ANO5: variants seen among roughly 807,000 people sequenced by gnomAD.
The protein encoded by ANO5 is anoctamin-5.
In ANO5, 109 loss-of-function variants were observed where a neutral mutation model predicts 121.0. The ratio of observed to expected loss-of-function variants is 0.90; its 90% CI spans 0.77 to 1.06. The LOEUF is 1.06. Ranked by LOEUF, ANO5 falls within the 50% of genes least tolerant of loss-of-function variation. The pLI is 0.00. For missense variants in ANO5, 1,064 were observed against 1,078.5 expected (o/e 0.99, Z 0.19); for synonymous variants, 406 against 359.9 (o/e 1.13, Z -1.45).
intron 17 of ANO5, among the ~76,000 whole-genome samples, chr11:22,269,117 TAAAGA>T (rs1208248089): frequency 7.8e-6 from 1 of 127,828 alleles, no homozygotes; most frequent in Admixed American, 8.4e-5. Context: ...AGGGAGGGAT[TAAAGA>T]AAGGAAAGGA....
At chr11:22,201,250 G>A (rs762734478) in intron 1 of ANO5, among the ~76,000 whole-genome samples, 179 of 152,212 alleles carry the variant, frequency 1.2e-3, no homozygotes, top group Admixed American at 4.0e-3. Context: ...TTTATCAGCC[G>A]TCTTTCATTT....
Position 22,281,959 on chromosome 11 carries a change from A to G in ANO5, c.*2194A>G, listed in dbSNP as rs1211247056. ...CTTTAAATTTCTTATCAAGAAGTTTATCTTTGTTTTTCAGATTTAAAAATG... is the reference window on the plus strand; with the variant it reads ...CTTTAAATTTCTTATCAAGAAGTTTGTCTTTGTTTTTCAGATTTAAAAATG... On this transcript the variant is annotated 3_prime_UTR_variant, in exon 22 of 22. Transcript: ENST00000324559. 1 of 152,102 alleles carries G rather than the reference A, an allele frequency of 6.6e-6. No homozygotes were observed. Among genetic ancestry groups the G allele is most frequent in the Non-Finnish European group, 1.5e-5 (1 of 67,952 alleles). 9.4% of individuals were successfully genotyped at this position (152,102 alleles called of 1,614,324 possible).
intron 7 of ANO5, among the ~76,000 whole-genome samples, chr11:22,230,622 T>G (rs569755693): frequency 6.6e-6 from 1 of 152,160 alleles, no homozygotes; most frequent in Admixed American, 6.6e-5. Flanking sequence ...AAAGCACTCA[T>G]GTTCCACATG....
chr11:22,247,603 G>A (rs968293535), intron 9 of ANO5, among the ~76,000 whole-genome samples: 8 of 151,988 alleles, frequency 5.3e-5, no homozygotes, highest in Admixed American at 5.2e-4. Context: ...AGAATGATAG[G>A]GTGTCTAGAA....
intron 7 of ANO5, among the ~76,000 whole-genome samples, chr11:22,233,894 C>G (rs1320101139): frequency 6.6e-6 from 1 of 152,086 alleles, no homozygotes; most frequent in Non-Finnish European, 1.5e-5. Flanking sequence ...GGCCTTTGCT[C>G]TTGATTTGTC....
At chr11:22,236,898 A>G (rs1180580895) in intron 8 of ANO5, among the ~76,000 whole-genome samples, 4 of 152,306 alleles carry the variant, frequency 2.6e-5, no homozygotes, top group Middle Eastern at 3.4e-3. Flanking sequence ...GTACAAAAAC[A>G]TTGAGTTTAT....
intron 1 of ANO5, among the ~76,000 whole-genome samples, chr11:22,200,439 G>A (rs1851932245): frequency 6.6e-6 from 1 of 152,160 alleles, no homozygotes; most frequent in Non-Finnish European, 1.5e-5. Context: ...TGCAGCATCA[G>A]CGCTTCATGC....
intron 1 of ANO5, among the ~76,000 whole-genome samples, chr11:22,203,425 G>T (rs1393129952): frequency 6.6e-6 from 1 of 152,046 alleles, no homozygotes; most frequent in African/African-American, 2.4e-5. Flanking sequence ...GGAAAATAAG[G>T]TGAGAGAATA....
chr11:22,269,429 GGAAGGGAAGA>G (rs2133773918), intron 17 of ANO5, among the ~76,000 whole-genome samples: 1 of 144,836 alleles, frequency 6.9e-6, no homozygotes, highest in East Asian at 2.1e-4. Context: ...AAAAGAGAAG[GGAAGGGAAGA>G]GAAGGGAAAG....
At position 22,231,141 on chromosome 11, in the gene ANO5, A is replaced by G. The variant is rs1026261259; in HGVS notation, c.648+3555A>G. Among the ~76,000 whole-genome samples, 57 of 152,120 alleles carry G rather than the reference A, an allele frequency of 3.7e-4. 1 individual carries two copies. Among genetic ancestry groups the G allele is most frequent in the African/African-American group, 1.3e-3 (56 of 41,528 alleles). ...TCAGAAGAATCAGAAGATTTTGAAA[A>G]TTAAATAATTATTTTTCTGTTTTTT... On this transcript the variant is annotated intron_variant, in intron 7 of 21. Coordinates refer to ENST00000324559, the MANE Select transcript of ANO5 (RefSeq NM_213599.3).
intron 5 of ANO5, among the ~76,000 whole-genome samples, chr11:22,223,697 T>C (rs2133597906): frequency 6.6e-6 from 1 of 152,160 alleles, no homozygotes; most frequent in East Asian, 1.9e-4. Context: ...TTAACTCTTT[T>C]CTGTATACCT....
rs886043042 is a variant in ANO5 at position 22,250,996 on chromosome 11, T to C, written c.1165T>C (p.Phe389Leu). ...DNESTVFFAIFMGIWVTLFLE... is the reference protein window; with the variant it reads ...DNESTVFFAILMGIWVTLFLE... ...TGAGTCAACAGTGTTCTTTGCAATA[T>C]TCATGGGAATTTGGGGTGAGTAAAT... Residue 389 changes from phenylalanine to leucine, a missense_variant, in exon 12 of 22, where the codon TTC (phenylalanine) becomes CTC (leucine). By Grantham distance (22) the Phe-to-Leu change is conservative. Transcript: ENST00000324559. 8.1e-6 allele frequency: 13 copies of C among 1,611,594 alleles called. No homozygotes were observed. The highest frequency in any genetic ancestry group is 3.3e-5 in the Admixed American group (2 of 59,970).
At chr11:22,223,127 G>A (rs113999986) in intron 5 of ANO5, among the ~76,000 whole-genome samples, 18 of 152,082 alleles carry the variant, frequency 1.2e-4, no homozygotes, top group Admixed American at 1.2e-3. Flanking sequence ...CTTGTGCCCT[G>A]CATTCTCTTT....
intron 8 of ANO5, among the ~76,000 whole-genome samples, chr11:22,237,885 A>G (rs1025388830): frequency 6.6e-6 from 1 of 152,136 alleles, no homozygotes; most frequent in Non-Finnish European, 1.5e-5. Context: ...TCCCAGCATG[A>G]TCAAGTTCAT....
At position 22,259,570 on chromosome 11, in the gene ANO5, G is replaced by A; in HGVS notation, c.1459G>A (p.Val487Ile). The A allele has an allele frequency of 6.2e-7, 1 of 1,614,124 alleles. No homozygotes were observed. The highest frequency in any genetic ancestry group is 8.5e-7 in the Non-Finnish European group (1 of 1,180,008). Reference sequence around the variant, plus strand: ...AGCTGTAATTGTGTACCGCCTGTCAGTCTTTGCTACATTTGCTAGTTTCAT... The same window carrying A: ...AGCTGTAATTGTGTACCGCCTGTCAATCTTTGCTACATTTGCTAGTTTCAT... The part of the protein sequence containing the change: ...MVAVIVYRLS[V>I]FATFASFMES... Residue 487 changes from valine to isoleucine, a missense_variant, in exon 15 of 22, where the codon GTC becomes ATC. Transcript: ENST00000324559.
chr11:22,276,057 AT>A, intron 20 of ANO5, 36 bp from the exon 21 acceptor site: 3 of 1,239,678 alleles, frequency 2.4e-6, no homozygotes, highest in Non-Finnish European at 3.4e-6. Flanking sequence ...TATAACTATT[AT>A]TATTTTTTTT....
rs541372136 is a variant in ANO5, at chr11:22,250,758, C to G, written c.1031C>G (p.Pro344Arg). The change falls in exon 11 of 22, where the codon CCT becomes CGT. Residue 344 changes from proline to arginine, a missense_variant. Coordinates refer to ENST00000324559, the MANE Select transcript of ANO5 (RefSeq NM_213599.3). ...HNTSSTEICD[P>R]EIGGQMIMCP... ...TCTTGCAGCACTGAAATCTGTGACC[C>G]TGAGATTGGTGGTCAGATGATCATG... 287 of 1,613,938 alleles carry G rather than the reference C, an allele frequency of 1.8e-4. 3 individuals are homozygous for G. The South Asian group carries it at 3.1e-3, about 17-fold the overall frequency.
At chr11:22,258,495 C>A (rs921876158) in intron 14 of ANO5, among the ~76,000 whole-genome samples, 2 of 152,114 alleles carry the variant, frequency 1.3e-5, no homozygotes, top group Admixed American at 1.3e-4. Flanking sequence ...TAATTTGACT[C>A]GCTTCCTCAA....
rs7109064 is a variant in ANO5, at chr11:22,260,316, C to T, written c.1630+575C>T. ...TAAGTAGAGCAGCACAGAGCACAGT[C>T]GCTTCTGCTCTTTTTCCTGGCAAGT... On this transcript the variant is annotated intron_variant, in intron 15 of 21. Transcript: ENST00000324559. Among the ~76,000 whole-genome samples, 1,425 of 152,290 alleles carry T rather than the reference C, an allele frequency of 9.4e-3. 22 individuals carry two copies. Among genetic ancestry groups the T allele is most frequent in the African/African-American group, 0.032 (1,339 of 41,556 alleles).
Sources: gnomAD v4.1 joint callset for allele counts (sites outside exome capture counted in the v4.1 genomes callset) on GRCh38, gnomAD v4.1.1 for gene constraint, MANE v1.5 for transcripts, NCBI Gene and HGNC (gene_info 2026-07-23, HGNC 2026-07-21) for gene names.